KCTD20: variants seen among roughly 807,000 people sequenced by gnomAD.
The protein encoded by KCTD20 is potassium channel tetramerization domain containing 20.
A neutral mutation model predicts 39.6 loss-of-function variants in KCTD20; 30 were observed. The observed-to-expected ratio is 0.76, with a 90% CI of 0.57 to 1.03. The LOEUF (loss-of-function observed/expected upper bound fraction) is 1.03. Ranked by LOEUF, KCTD20 falls within the 50% of genes least tolerant of loss-of-function variation. The pLI, the probability that KCTD20 is intolerant of heterozygous loss-of-function variation, is 0.00. For synonymous variants in KCTD20, 162 were observed against 180.6 expected, an observed-to-expected ratio of 0.90 and a Z score of 0.83; for missense variants, 422 against 522.0, an observed-to-expected ratio of 0.81 and a Z score of 1.87.
intron 3 of KCTD20, among the ~76,000 whole-genome samples, chr6:36,478,180 T>A (rs1379365550): frequency 6.6e-6 from 1 of 152,094 alleles, no homozygotes; most frequent in Non-Finnish European, 1.5e-5. Flanking sequence ...TCCCAGCAGT[T>A]TAAGGAAGGA....
At chr6:36,485,377 TTGAA>T (rs1336924667) in intron 7 of KCTD20, among the ~76,000 whole-genome samples, 1 of 152,132 alleles carries the variant, frequency 6.6e-6, no homozygotes, top group African/African-American at 2.4e-5. Context: ...CAGAACTACT[TTGAA>T]TGATCTTGAG....
At chr6:36,471,512 C>T (rs765913646) in intron 2 of KCTD20, among the ~76,000 whole-genome samples, 1 of 152,202 alleles carries the variant, frequency 6.6e-6, no homozygotes, top group Non-Finnish European at 1.5e-5. Flanking sequence ...GACTCTACTC[C>T]AGATTAGTCC....
chr6:36,458,256 G>A (rs1423269698), intron 1 of KCTD20, among the ~76,000 whole-genome samples: 2 of 151,842 alleles, frequency 1.3e-5, no homozygotes, highest in Non-Finnish European at 2.9e-5. Context: ...GAAAGGTCTA[G>A]GCCGGGTGCG....
intron 5 of KCTD20, 23 bp downstream of exon 5, chr6:36,479,734 GC>G: frequency 6.4e-7 from 1 of 1,562,200 alleles, no homozygotes; most frequent in Non-Finnish European, 8.7e-7. Context: ...GCAGGTGCCA[GC>G]TGCACTTAAG....
At chr6:36,451,893 C>A (rs1420235025) in intron 1 of KCTD20, among the ~76,000 whole-genome samples, 1 of 152,196 alleles carries the variant, frequency 6.6e-6, no homozygotes, top group Admixed American at 6.5e-5. Flanking sequence ...TCACTGCAAC[C>A]TCCTCCTCCC....
At chr6:36,459,592 C>T (rs1775542011) in intron 1 of KCTD20, among the ~76,000 whole-genome samples, 1 of 152,228 alleles carries the variant, frequency 6.6e-6, no homozygotes, top group Admixed American at 6.5e-5. Flanking sequence ...CTTTTGACAG[C>T]AATTGGTGCT....
At chr6:36,455,621 TC>T (rs1448723719) in intron 1 of KCTD20, among the ~76,000 whole-genome samples, 1 of 138,070 alleles carries the variant, frequency 7.2e-6, no homozygotes, top group African/African-American at 2.9e-5. Context: ...GTGTGTGTGT[TC>T]ACACACATAC....
intron 1 of KCTD20, among the ~76,000 whole-genome samples, chr6:36,467,882 A>T (rs1775808176): frequency 6.6e-6 from 1 of 152,210 alleles, no homozygotes; most frequent in South Asian, 2.1e-4. Context: ...AAGAACATTT[A>T]GAAAAACATT....
chr6:36,453,321 A>T (rs1448384513), intron 1 of KCTD20, among the ~76,000 whole-genome samples: 2 of 150,602 alleles, frequency 1.3e-5, no homozygotes, highest in Admixed American at 1.3e-4. Flanking sequence ...CTTTTGTTTT[A>T]TTTTGTTTTG....
At chr6:36,449,225 A>T (rs1468172569) in intron 1 of KCTD20, among the ~76,000 whole-genome samples, 2 of 151,954 alleles carry the variant, frequency 1.3e-5, no homozygotes. Context: ...TGATTGGTCC[A>T]TTTACAAACC....
chr6:36,463,622 T>C (rs865909051), intron 1 of KCTD20, among the ~76,000 whole-genome samples: 1 of 152,154 alleles, frequency 6.6e-6, no homozygotes, highest in Admixed American at 6.5e-5. Context: ...TTAGGCCTTA[T>C]AAAAGGGAAT....
intron 6 of KCTD20, among the ~76,000 whole-genome samples, chr6:36,483,263 C>CTTTTTTTTTTTTTTTTTTTTTTTTT: frequency 1.3e-5 from 1 of 76,728 alleles, no homozygotes; most frequent in African/African-American, 4.9e-5. Context: ...GTGGCTTTTT[C>CTTTTTTTTTTTTTTTTTTTTTTTTT]TTTTTTTTTT....
chr6:36,462,696 A>G (rs74937055), intron 1 of KCTD20, among the ~76,000 whole-genome samples: 2,386 of 152,334 alleles, frequency 0.016, 38 homozygotes, highest in Non-Finnish European at 0.024. Context: ...TAAATAATAC[A>G]TTATCTCAAC....
At chr6:36,450,854 T>G (rs1775231176) in intron 1 of KCTD20, 1 of 152,240 alleles carries the variant, frequency 6.6e-6, no homozygotes, top group Admixed American at 6.5e-5. Context: ...TTTAAAAATT[T>G]TCTCTTAAAC....
At chr6:36,453,068 C>T (rs1247284606) in intron 1 of KCTD20, among the ~76,000 whole-genome samples, 3 of 134,406 alleles carry the variant, frequency 2.2e-5, no homozygotes, top group Non-Finnish European at 4.6e-5. Context: ...AGTGCAGTGG[C>T]GCGATCTTGG....
At chr6:36,453,377 G>A (rs1775326442) in intron 1 of KCTD20, among the ~76,000 whole-genome samples, 1 of 151,922 alleles carries the variant, frequency 6.6e-6, no homozygotes, top group Admixed American at 6.6e-5. Context: ...TCTCAGTTGA[G>A]CTTGTGTTTT....
intron 1 of KCTD20, among the ~76,000 whole-genome samples, chr6:36,454,621 C>T (rs919894025): frequency 3.3e-5 from 5 of 151,332 alleles, no homozygotes; most frequent in African/African-American, 1.2e-4. Flanking sequence ...GGATTACAGG[C>T]GTGAGCCACT....
intron 6 of KCTD20, 21 bp downstream of exon 6, chr6:36,481,780 G>T: frequency 1.2e-6 from 2 of 1,609,324 alleles, no homozygotes; most frequent in Non-Finnish European, 1.7e-6. Flanking sequence ...CTGGCATGGC[G>T]TAGATGTTTT....
intron 1 of KCTD20, among the ~76,000 whole-genome samples, chr6:36,447,650 A>G (rs1016618982): frequency 2.6e-5 from 4 of 151,914 alleles, no homozygotes; most frequent in African/African-American, 9.7e-5. Flanking sequence ...AGAAAAAAAT[A>G]TAAAATTTTT....
Sources: allele counts gnomAD v4.1 joint callset (sites outside exome capture counted in the v4.1 genomes callset), GRCh38; gene constraint gnomAD v4.1.1; transcripts MANE v1.5; gene names NCBI Gene and HGNC (gene_info 2026-07-23, HGNC 2026-07-21).